The following TFAP2D variants were observed in gnomAD, a reference collection of about 807,000 sequenced individuals.
TFAP2D encodes transcription factor AP-2 delta, also known as transcription factor AP-2-delta.
A neutral mutation model predicts 43.6 loss-of-function variants in TFAP2D; 9 were observed. That is an observed-to-expected ratio of 0.21 (90% confidence interval 0.12 to 0.36). TFAP2D has a LOEUF of 0.36. TFAP2D is among the 10% of genes least tolerant of loss of function. TFAP2D has a pLI of 1.00. For synonymous variants in TFAP2D, 256 were observed against 224.9 expected (o/e 1.14, Z -1.24); for missense variants, 513 against 561.4 (o/e 0.91, Z 0.87).
At chr6:50,751,932 C>A (rs946866261) in intron 7 of TFAP2D, among the ~76,000 whole-genome samples, 1 of 151,828 alleles carries the variant, frequency 6.6e-6, no homozygotes, top group African/African-American at 2.4e-5. Flanking sequence ...CAAAAATGAA[C>A]AATATTATTT....
intron 6 of TFAP2D, among the ~76,000 whole-genome samples, chr6:50,746,228 T>TTTGC (rs751877535): frequency 1.2e-5 from 1 of 84,158 alleles, no homozygotes; most frequent in Non-Finnish European, 3.2e-5. Context: ...GGAAAAGTAT[T>TTTGC]TTGTTTGTTT....
chr6:50,748,956 A>G (rs1386064666), intron 6 of TFAP2D, among the ~76,000 whole-genome samples: 1 of 151,882 alleles, frequency 6.6e-6, no homozygotes. Context: ...AATTCATAAT[A>G]TGACATTTTG....
intron 7 of TFAP2D, among the ~76,000 whole-genome samples, chr6:50,761,210 T>G (rs1218911802): frequency 3.4e-5 from 5 of 147,256 alleles, no homozygotes; most frequent in African/African-American, 1.2e-4. Flanking sequence ...CAAACACCAT[T>G]TCAACCTTCA....
At chr6:50,756,168 G>A (rs1390722660) in intron 7 of TFAP2D, among the ~76,000 whole-genome samples, 1 of 151,958 alleles carries the variant, frequency 6.6e-6, no homozygotes, top group Admixed American at 6.6e-5. Context: ...CAGGCCGAGT[G>A]TGTCCCTTTT....
At chr6:50,744,246 T>C (rs994225147) in intron 5 of TFAP2D, among the ~76,000 whole-genome samples, 28 of 152,158 alleles carry the variant, frequency 1.8e-4, no homozygotes, top group African/African-American at 6.5e-4. Flanking sequence ...CCTCTCTTTG[T>C]GTCCATGTGT....
chr6:50,749,408 T>C (rs1472505394), intron 6 of TFAP2D, among the ~76,000 whole-genome samples: 1 of 151,876 alleles, frequency 6.6e-6, no homozygotes, highest in East Asian at 1.9e-4. Context: ...TTTATTTTAA[T>C]GTTTTAAAAT....
chr6:50,720,563 G>T (rs538325128), intron 3 of TFAP2D, among the ~76,000 whole-genome samples: 37 of 148,780 alleles, frequency 2.5e-4, no homozygotes, highest in Non-Finnish European at 4.4e-4. Flanking sequence ...ACTCCACAAA[G>T]ATTTTTTAAA....
intron 5 of TFAP2D, among the ~76,000 whole-genome samples, chr6:50,734,770 C>T (rs1768940432): frequency 6.6e-6 from 1 of 152,064 alleles, no homozygotes; most frequent in South Asian, 2.1e-4. Flanking sequence ...AGAGTCTTCT[C>T]CGAAACAACT....
chr6:50,720,126 A>G (rs1173128445), intron 3 of TFAP2D, among the ~76,000 whole-genome samples: 1 of 152,218 alleles, frequency 6.6e-6, no homozygotes, highest in Non-Finnish European at 1.5e-5. Context: ...TCTATTCACC[A>G]AGACTAATTC....
At chr6:50,744,960 C>T (rs551521679) in intron 5 of TFAP2D, 147 bp from the exon 6 acceptor site, 6 of 953,244 alleles carry the variant, frequency 6.3e-6, no homozygotes, top group Admixed American at 6.4e-5. Context: ...CTCCTCCCCC[C>T]AAAAAGGTCT....
Position 50,728,948 on chromosome 6 carries a change from A to G in TFAP2D, c.691A>G (p.Ile231Val). 1 of 1,613,986 alleles carries G rather than the reference A, an allele frequency of 6.2e-7. No individual in the cohort carries two copies. The highest frequency in any genetic ancestry group is 8.5e-7 in the Non-Finnish European group (1 of 1,179,932). The change falls in exon 4 of 8, where the codon ATT becomes GTT. Residue 231 changes from isoleucine to valine, a missense_variant. By Grantham distance (29) the Ile-to-Val change is conservative. Transcript: ENST00000008391. ...LSSTSKYKVT[I>V]AEVKRRLSPP... ...TTCTACTTCCAAATACAAGGTGACC[A>G]TTGCTGAGGTAAAGAGGCGCCTCTC...
At chr6:50,770,698 A>G (rs1404310822) in intron 7 of TFAP2D, among the ~76,000 whole-genome samples, 2 of 152,150 alleles carry the variant, frequency 1.3e-5, no homozygotes, top group Non-Finnish European at 2.9e-5. Flanking sequence ...CTTCATTTGT[A>G]TTATTATAAA....
intron 5 of TFAP2D, among the ~76,000 whole-genome samples, chr6:50,744,052 A>G (rs924396780): frequency 1.3e-5 from 2 of 152,120 alleles, no homozygotes; most frequent in African/African-American, 4.8e-5. Context: ...ACTTGATTTT[A>G]TTTTTAACTT....
At chr6:50,738,282 G>A (rs1007387815) in intron 5 of TFAP2D, among the ~76,000 whole-genome samples, 7 of 152,056 alleles carry the variant, frequency 4.6e-5, no homozygotes, top group African/African-American at 1.4e-4. Context: ...CTTATTAAAT[G>A]TTAGTATGTC....
intron 7 of TFAP2D, among the ~76,000 whole-genome samples, chr6:50,770,078 A>C (rs1581781469): frequency 6.6e-6 from 1 of 152,186 alleles, no homozygotes; most frequent in African/African-American, 2.4e-5. Context: ...ATGAGAAAAG[A>C]GACAGTTTGT....
chr6:50,726,558 A>G (rs2114035933), intron 3 of TFAP2D, among the ~76,000 whole-genome samples: 1 of 152,298 alleles, frequency 6.6e-6, no homozygotes, highest in East Asian at 1.9e-4. Context: ...CATTTTTAGA[A>G]GAGGGCTATG....
intron 5 of TFAP2D, among the ~76,000 whole-genome samples, chr6:50,737,217 C>G (rs1394963382): frequency 6.6e-6 from 1 of 152,172 alleles, no homozygotes; most frequent in Admixed American, 6.5e-5. Context: ...AGTGACCCTT[C>G]CGCCTTGGCC....
At chr6:50,716,335 CA>C (rs1443930501) in intron 2 of TFAP2D, among the ~76,000 whole-genome samples, 1 of 151,982 alleles carries the variant, frequency 6.6e-6, no homozygotes, top group Non-Finnish European at 1.5e-5. Flanking sequence ...AGGTAATTTA[CA>C]AGTTTATTTT....
Position 50,772,736 on chromosome 6 carries a change from A to G in TFAP2D, c.1231A>G (p.Lys411Glu). The change falls in exon 8 of 8, where the codon AAA becomes GAA. Residue 411 changes from lysine to glutamate, a missense_variant. By Grantham distance (56) the Lys-to-Glu change is moderately conservative (BLOSUM62 1). Transcript: ENST00000008391. Reference sequence around the variant, plus strand: ...CAGTGAAATGCTGAACTACTTGGAAAAACACACTACTCACAAGAACGGCGG... The same window carrying G: ...CAGTGAAATGCTGAACTACTTGGAAGAACACACTACTCACAAGAACGGCGG... ...VLSEMLNYLE[K>E]HTTHKNGGAA... 1.2e-6 allele frequency: 2 copies of G among 1,614,172 alleles called. No homozygotes were observed. Among genetic ancestry groups the G allele is most frequent in the Non-Finnish European group, 1.7e-6 (2 of 1,180,008 alleles).
Sources: allele counts gnomAD v4.1 joint callset (sites outside exome capture counted in the v4.1 genomes callset), GRCh38; gene constraint gnomAD v4.1.1; transcripts MANE v1.5; gene names NCBI Gene and HGNC (gene_info 2026-07-23, HGNC 2026-07-21).